The following GYS2 variants were observed in gnomAD, a reference collection of about 807,000 sequenced individuals.
GYS2 encodes the protein glycogen synthase 2.
In GYS2, 80 loss-of-function variants were observed where a neutral mutation model predicts 85.6. The observed-to-expected ratio is 0.93, with a 90% confidence interval of 0.78 to 1.13. The LOEUF is 1.13. GYS2 is among the 50% of genes most tolerant of loss of function. GYS2 has a pLI of 0.00. For synonymous variants in GYS2, 328 were observed against 300.7 expected (o/e 1.09, Z -0.94); for missense variants, 881 against 854.9 (o/e 1.03, Z -0.38).
intron 1 of GYS2, among the ~76,000 whole-genome samples, chr12:21,593,574 T>C (rs2136929727): frequency 6.6e-6 from 1 of 151,956 alleles, no homozygotes; most frequent in Admixed American, 6.5e-5. Context: ...TAAGAAAGAA[T>C]AGAAAACCTG....
intron 15 of GYS2, among the ~76,000 whole-genome samples, chr12:21,538,714 A>G (rs1943938143): frequency 6.6e-6 from 1 of 152,206 alleles, no homozygotes. Flanking sequence ...CCCTGCTTCA[A>G]GTGGCACCTC....
chr12:21,587,351 C>A (rs1423459701), intron 1 of GYS2, among the ~76,000 whole-genome samples: 1 of 152,142 alleles, frequency 6.6e-6, no homozygotes, highest in Non-Finnish European at 1.5e-5. Context: ...GTGTCCCCAC[C>A]CAAATCTCAT....
downstream of GYS2, among the ~76,000 whole-genome samples, chr12:21,534,715 T>C (rs759244281): frequency 2.8e-4 from 42 of 152,278 alleles, no homozygotes; most frequent in Non-Finnish European, 4.7e-4. Flanking sequence ...CACCTATATA[T>C]GAATTTGGGG....
intron 1 of GYS2, among the ~76,000 whole-genome samples, chr12:21,588,271 A>C (rs1165029477): frequency 6.6e-6 from 1 of 152,246 alleles, no homozygotes; most frequent in Non-Finnish European, 1.5e-5. Context: ...TATTTCTTAA[A>C]TGTATTATTC....
chr12:21,592,161 A>AAG (rs537516474), intron 1 of GYS2, among the ~76,000 whole-genome samples: 21 of 150,550 alleles, frequency 1.4e-4, no homozygotes, highest in African/African-American at 2.9e-4. Context: ...GAAAGAAAGA[A>AAG]AGAGAGAGAG....
intron 12 of GYS2, among the ~76,000 whole-genome samples, 157 bp downstream of exon 12, chr12:21,546,187 A>C (rs1041897038): frequency 6.6e-6 from 1 of 152,158 alleles, no homozygotes; most frequent in Non-Finnish European, 1.5e-5. Flanking sequence ...ACAAATCATA[A>C]ATTAATCCCT....
Position 21,580,369 on chromosome 12 carries a change from C to A in GYS2, c.276G>T (p.Val92=). 2 of 1,613,864 alleles carry A rather than the reference C, an allele frequency of 1.2e-6. No homozygotes were observed. Among genetic ancestry groups the A allele is most frequent in the Middle Eastern group, 1.7e-4 (1 of 6,060 alleles). Residue 92 remains valine (V), a synonymous_variant, in exon 2 of 16, where the codon GTG becomes GTT. Coordinates refer to ENST00000261195, the MANE Select transcript of GYS2 (RefSeq NM_021957.4). ...GGCAGCCATGCTTATTCATTGCGTC[C>A]ACTGCTCTTCTGACAGCATCATTTA... ...EPVNDAVRRA[V]DAMNKHGCQV... is the part of the protein sequence containing the mutation.
At chr12:21,578,220 T>C (rs547759448) in intron 2 of GYS2, among the ~76,000 whole-genome samples, 1 of 152,236 alleles carries the variant, frequency 6.6e-6, no homozygotes, top group Non-Finnish European at 1.5e-5. Context: ...CTCCATTTTG[T>C]CCTACATTAT....
At chr12:21,580,970 T>C (rs1944503321) in intron 1 of GYS2, among the ~76,000 whole-genome samples, 1 of 152,176 alleles carries the variant, frequency 6.6e-6, no homozygotes, top group Non-Finnish European at 1.5e-5. Context: ...GGGGCTCAGG[T>C]ATGTTCAAAT....
At chr12:21,550,101 C>A (rs1944088429) in intron 11 of GYS2, among the ~76,000 whole-genome samples, 1 of 152,134 alleles carries the variant, frequency 6.6e-6, no homozygotes, top group African/African-American at 2.4e-5. Flanking sequence ...AACAAAACTT[C>A]ATTGTTCCTT....
chr12:21,543,003 A>G lies in GYS2; in HGVS notation c.1550-412T>C, dbSNP rs1943997499. 5.9e-5 allele frequency among the ~76,000 whole-genome samples: 9 copies of G among 152,076 alleles called. No individual in the cohort carries two copies. The South Asian group carries it at 1.9e-3, about 32-fold the overall frequency. Reference sequence around the variant, plus strand: ...TTTCTAAGTACTTGGCAAGTTTATGAGGTAGGTTAAATATGTTTTGGATGC... The same window carrying G: ...TTTCTAAGTACTTGGCAAGTTTATGGGGTAGGTTAAATATGTTTTGGATGC... On this transcript the variant is annotated intron_variant, in intron 12 of 15. Transcript: ENST00000261195.
chr12:21,555,577 GTTCCTCCC>G (rs1258111039), intron 11 of GYS2, among the ~76,000 whole-genome samples: 1 of 152,144 alleles, frequency 6.6e-6, no homozygotes, highest in African/African-American at 2.4e-5. Flanking sequence ...TCTCATCTGA[GTTCCTCCC>G]TTAGGAAACT....
intron 11 of GYS2, among the ~76,000 whole-genome samples, chr12:21,547,126 A>G (rs796129471): frequency 6.6e-5 from 10 of 152,348 alleles, no homozygotes; most frequent in African/African-American, 2.4e-4. Context: ...AAAGTTGTTC[A>G]GTGGCTTCCC....
intron 3 of GYS2, 34 bp downstream of exon 3, chr12:21,575,832 C>T: frequency 6.6e-7 from 1 of 1,517,380 alleles, no homozygotes; most frequent in Non-Finnish European, 9.2e-7. Context: ...AGTTGTGCTG[C>T]TCCTCCGTTG....
chr12:21,536,787 C>A lies in GYS2; in HGVS notation c.*167G>T. The A allele has an allele frequency of 1.6e-6, 1 of 631,716 alleles. No homozygotes were observed. Among genetic ancestry groups the A allele is most frequent in the Non-Finnish European group, 2.8e-6 (1 of 357,650 alleles). The allele number at this position is 631,716 out of a possible 1,614,324, so 39.1% of individuals were successfully genotyped here. On this transcript the variant is annotated 3_prime_UTR_variant, in exon 16 of 16. Transcript: ENST00000261195. ...TGGGGAAAATAACTTGGATCTTATC[C>A]TAAATTACAAAATTGTCATTCACTC... is the stretch of plus-strand genomic sequence containing the variant.
intron 12 of GYS2, among the ~76,000 whole-genome samples, chr12:21,543,615 T>C (rs1422209810): frequency 2.0e-5 from 3 of 151,916 alleles, no homozygotes; most frequent in African/African-American, 7.3e-5. Context: ...CTGGGACACA[T>C]GTGCTGAACG....
rs1451839097 is a variant in GYS2, at chr12:21,563,297, T to A, written c.872A>T (p.His291Leu). The stretch of plus-strand genomic sequence containing the variant: ...CATGGCATGTAGATTTTGAAACTCA[T>A]GCACTGCTGAAAATTTCTTAACATT... ...GLNVKKFSAV[H>L]EFQNLHAMYK... The change falls in exon 6 of 16, where the codon CAT becomes CTT. Residue 291 changes from histidine to leucine, a missense_variant. Transcript: ENST00000261195. 2 of 1,612,568 alleles carry A rather than the reference T, an allele frequency of 1.2e-6. No homozygotes were observed. The highest frequency in any genetic ancestry group is 1.7e-4 in the Middle Eastern group (1 of 6,052).
intron 1 of GYS2, among the ~76,000 whole-genome samples, chr12:21,601,247 C>G (rs1944753083): frequency 1.3e-5 from 2 of 152,030 alleles, no homozygotes; most frequent in South Asian, 2.1e-4. Flanking sequence ...AGTCTAATTT[C>G]CCTCCTCTCC....
At chr12:21,539,633 G>A (rs1943949390) in intron 14 of GYS2, among the ~76,000 whole-genome samples, 1 of 152,186 alleles carries the variant, frequency 6.6e-6, no homozygotes, top group Non-Finnish European at 1.5e-5. Context: ...TCATTCCACA[G>A]AGAAGCAGTG....
Sources: gnomAD v4.1 joint callset for allele counts (sites outside exome capture counted in the v4.1 genomes callset) on GRCh38, gnomAD v4.1.1 for gene constraint, MANE v1.5 for transcripts, NCBI Gene and HGNC (gene_info 2026-07-23, HGNC 2026-07-21) for gene names.